CCDC91: variants seen among roughly 807,000 people sequenced by gnomAD.
CCDC91 encodes coiled-coil domain containing 91, also known as coiled-coil domain-containing protein 91.
A neutral mutation model predicts 63.2 loss-of-function variants in CCDC91; 48 were observed. The ratio of observed to expected loss-of-function variants is 0.76; its 90% confidence interval spans 0.60 to 0.97. The LOEUF (loss-of-function observed/expected upper bound fraction) is 0.97. Ranked by LOEUF, CCDC91 falls within the 50% of genes least tolerant of loss-of-function variation. The pLI is 0.00. For synonymous variants in CCDC91, 167 were observed against 165.8 expected, an observed-to-expected ratio of 1.01 and a Z score of -0.06; for missense variants, 500 against 494.6, an observed-to-expected ratio of 1.01 and a Z score of -0.10.
chr12:28,417,295 A>G (rs1474683351), intron 8 of CCDC91, among the ~76,000 whole-genome samples: 1 of 152,000 alleles, frequency 6.6e-6, no homozygotes, highest in African/African-American at 2.4e-5. Flanking sequence ...TGTCATTTTG[A>G]AAGTACAGTC....
rs948624068 is a variant in CCDC91, at chr12:28,498,664, C to T, written c.1215+14499C>T. 9.0e-4 allele frequency among the ~76,000 whole-genome samples: 137 copies of T among 151,780 alleles called. 1 individual carries two copies. Among genetic ancestry groups the T allele is most frequent in the African/African-American group, 1.4e-4 (6 of 41,490 alleles). On this transcript the variant is annotated intron_variant, in intron 12 of 12. Coordinates refer to ENST00000536442, the MANE Select transcript of CCDC91 (RefSeq NM_018318.5). ...CAGTATAAATTAGCTATCTTCTCTCCTACCAACCTTACTTTATAGTATCAC... is the reference window on the plus strand; with the variant it reads ...CAGTATAAATTAGCTATCTTCTCTCTTACCAACCTTACTTTATAGTATCAC...
chr12:28,315,872 A>G (rs1440833547), intron 6 of CCDC91, among the ~76,000 whole-genome samples: 2 of 151,752 alleles, frequency 1.3e-5, no homozygotes, highest in Non-Finnish European at 2.9e-5. Flanking sequence ...AAATATACAT[A>G]TATCTCCTTC....
intron 6 of CCDC91, among the ~76,000 whole-genome samples, chr12:28,308,845 G>A (rs535140589): frequency 9.9e-5 from 15 of 152,022 alleles, no homozygotes; most frequent in African/African-American, 3.4e-4. Context: ...TCTCCTAAGT[G>A]GTCTTCTGGC....
intron 8 of CCDC91, among the ~76,000 whole-genome samples, chr12:28,424,230 C>T (rs1186234551): frequency 6.6e-6 from 1 of 152,070 alleles, no homozygotes; most frequent in African/African-American, 2.4e-5. Context: ...GTGCCTGGCC[C>T]TAAATCCCAT....
intron 11 of CCDC91, among the ~76,000 whole-genome samples, chr12:28,460,795 A>G (rs74606310): frequency 5.8e-4 from 56 of 97,286 alleles, no homozygotes; most frequent in Middle Eastern, 0.01. Context: ...ATATATCTGT[A>G]TGTGTGTGTG....
At position 28,323,266 on chromosome 12, in the gene CCDC91, A is replaced by C. The variant is rs145911240; in HGVS notation, c.576+15517A>C. On this transcript the variant is annotated intron_variant, in intron 6 of 12. Coordinates refer to ENST00000536442, the MANE Select transcript of CCDC91 (RefSeq NM_018318.5). ...CTATGTTCAATTCCGGTCATTTTGT[A>C]GTTTCATTTTACATTTAACTTTTGA... Among the ~76,000 whole-genome samples, 484 of 151,826 alleles carry C rather than the reference A, an allele frequency of 3.2e-3. 4 individuals are homozygous for C. Among genetic ancestry groups the C allele is most frequent in the Middle Eastern group, 0.017 (5 of 292 alleles).
intron 7 of CCDC91, among the ~76,000 whole-genome samples, chr12:28,384,047 C>G (rs1945453549): frequency 6.6e-6 from 1 of 152,122 alleles, no homozygotes; most frequent in Non-Finnish European, 1.5e-5. Context: ...GGGATTAAGA[C>G]AAGTTGGTAA....
intron 8 of CCDC91, among the ~76,000 whole-genome samples, chr12:28,404,985 A>G (rs1403801452): frequency 2.0e-5 from 3 of 152,048 alleles, no homozygotes; most frequent in Non-Finnish European, 4.4e-5. Flanking sequence ...GACATTTACA[A>G]TAGACCATTG....
rs116490664 is a variant in CCDC91, at chr12:28,489,819, G to T, written c.1215+5654G>T. ...ATGTTTGCATCTCCAACTATTAAAA[G>T]ATAATATTTAGACAAAATGAACTTT... On this transcript the variant is annotated intron_variant, in intron 12 of 12. Transcript: ENST00000536442. 5.6e-3 allele frequency among the ~76,000 whole-genome samples: 844 copies of T among 151,892 alleles called. 8 individuals carry two copies. Among genetic ancestry groups the T allele is most frequent in the African/African-American group, 0.02 (820 of 41,498 alleles).
chr12:28,222,562 A>G (rs1264065763), intron 1 of CCDC91, among the ~76,000 whole-genome samples: 1 of 152,192 alleles, frequency 6.6e-6, no homozygotes, highest in Non-Finnish European at 1.5e-5. Context: ...TTACTTCTGT[A>G]TCCATAATAA....
At chr12:28,238,525 T>C (rs1385320512) in intron 1 of CCDC91, among the ~76,000 whole-genome samples, 1 of 152,128 alleles carries the variant, frequency 6.6e-6, no homozygotes, top group African/African-American at 2.4e-5. Flanking sequence ...TCTATTAAAA[T>C]TAAAAAAATA....
At chr12:28,416,648 A>T (rs1042286957) in intron 8 of CCDC91, among the ~76,000 whole-genome samples, 1 of 152,038 alleles carries the variant, frequency 6.6e-6, no homozygotes, top group African/African-American at 2.4e-5. Context: ...ATTTGATGAG[A>T]TATCAAGAAA....
At chr12:28,371,185 G>A (rs1944599374) in intron 7 of CCDC91, among the ~76,000 whole-genome samples, 1 of 152,050 alleles carries the variant, frequency 6.6e-6, no homozygotes, top group Admixed American at 6.5e-5. Flanking sequence ...CTGTGGACCG[G>A]TACCATTTCG....
intron 12 of CCDC91, among the ~76,000 whole-genome samples, chr12:28,488,432 G>GAT (rs1212529552): frequency 5.3e-5 from 8 of 151,682 alleles, no homozygotes; most frequent in African/African-American, 1.9e-4. Flanking sequence ...AATAAGGAGA[G>GAT]CTTTTAAAAT....
intron 1 of CCDC91, chr12:28,256,654 A>G (rs1170263975): frequency 6.5e-6 from 1 of 152,838 alleles, no homozygotes; most frequent in Non-Finnish European, 1.5e-5. Flanking sequence ...AACTTGCTCC[A>G]CATTTTTCCA....
At chr12:28,355,612 A>T (rs1592406148) in intron 6 of CCDC91, among the ~76,000 whole-genome samples, 1 of 152,154 alleles carries the variant, frequency 6.6e-6, no homozygotes, top group Non-Finnish European at 1.5e-5. Flanking sequence ...TGCCTTAGAC[A>T]TGGATATAAA....
intron 1 of CCDC91, among the ~76,000 whole-genome samples, chr12:28,251,279 T>C (rs1384442564): frequency 1.3e-5 from 2 of 152,016 alleles, no homozygotes; most frequent in East Asian, 3.9e-4. Flanking sequence ...TTATTAGACC[T>C]TTTTAGAAGG....
chr12:28,447,921 A>G (rs1410865572), intron 8 of CCDC91, among the ~76,000 whole-genome samples: 7 of 151,570 alleles, frequency 4.6e-5, no homozygotes, highest in Non-Finnish European at 1.0e-4. Context: ...ACCAATTGCA[A>G]TTTGTTCAGG....
At chr12:28,272,455 T>G (rs528439618) in intron 3 of CCDC91, among the ~76,000 whole-genome samples, 1 of 146,996 alleles carries the variant, frequency 6.8e-6, no homozygotes, top group African/African-American at 2.5e-5. Context: ...AAACTCTCTC[T>G]ACTATGTCCA....
Sources: allele counts gnomAD v4.1 joint callset (sites outside exome capture counted in the v4.1 genomes callset), GRCh38; gene constraint gnomAD v4.1.1; transcripts MANE v1.5; gene names NCBI Gene and HGNC (gene_info 2026-07-23, HGNC 2026-07-21).